RGPD4: variants seen among roughly 807,000 people sequenced by gnomAD.
RGPD4 encodes ranBP2-like and GRIP domain-containing protein 4.
RGPD4 carries 84 observed loss-of-function variants against 141.1 expected under a neutral mutation model. That is an observed-to-expected ratio of 0.60 (90% confidence interval 0.50 to 0.71). The LOEUF (loss-of-function observed/expected upper bound fraction) is 0.71. RGPD4 is among the 30% of genes least tolerant of loss of function. The pLI is 0.00. For synonymous variants in RGPD4, 298 were observed against 566.8 expected, an observed-to-expected ratio of 0.53 and a Z score of 6.74; for missense variants, 918 against 1,622.4, an observed-to-expected ratio of 0.57 and a Z score of 7.46.
intron 1 of RGPD4, among the ~76,000 whole-genome samples, chr2:107,829,541 C>A (rs557275989): frequency 7.3e-6 from 1 of 137,020 alleles, no homozygotes; most frequent in Non-Finnish European, 1.5e-5. Context: ...GCGGCGGCCT[C>A]GACCTGGCCC....
chr2:107,884,004 T>A (rs1336111994), intron 22 of RGPD4, among the ~76,000 whole-genome samples: 2 of 152,068 alleles, frequency 1.3e-5, no homozygotes, highest in Non-Finnish European at 2.9e-5. Context: ...CACCTATACC[T>A]AGTTTATGTT....
At chr2:107,873,447 C>T (rs1301453973) in intron 20 of RGPD4, among the ~76,000 whole-genome samples, 3 of 143,976 alleles carry the variant, frequency 2.1e-5, no homozygotes, top group Admixed American at 1.4e-4. Flanking sequence ...GTGGTGCGTG[C>T]CTATAATTAG....
At chr2:107,834,008 AAAC>A (rs1267671277) in intron 1 of RGPD4, among the ~76,000 whole-genome samples, 1 of 76,288 alleles carries the variant, frequency 1.3e-5, no homozygotes, top group African/African-American at 5.8e-5. Context: ...TCCATCTCAA[AAAC>A]AAAAAAAGGA....
chr2:107,889,034 G>C (rs968637923), intron 22 of RGPD4, among the ~76,000 whole-genome samples: 5 of 144,728 alleles, frequency 3.5e-5, no homozygotes, highest in Admixed American at 1.4e-4. Context: ...AGACAGAACA[G>C]AAAAATAAAA....
chr2:107,875,631 A>G (rs1683067652), intron 20 of RGPD4, among the ~76,000 whole-genome samples: 1 of 144,778 alleles, frequency 6.9e-6, no homozygotes, highest in East Asian at 2.0e-4. Flanking sequence ...TGCGCTTTGC[A>G]TTAATGGTGG....
intron 22 of RGPD4, among the ~76,000 whole-genome samples, chr2:107,885,388 G>C (rs1193116863): frequency 2.0e-5 from 3 of 152,080 alleles, no homozygotes; most frequent in Admixed American, 6.6e-5. Flanking sequence ...TCAAAATACT[G>C]AGCATGTCTA....
intron 16 of RGPD4, 39 bp downstream of exon 16, chr2:107,862,900 G>T: frequency 6.2e-7 from 1 of 1,604,958 alleles, no homozygotes; most frequent in Non-Finnish European, 8.5e-7. Flanking sequence ...TTGTGAAATT[G>T]TTTCTAAGTG....
intron 21 of RGPD4, 79 bp from the exon 22 acceptor site, chr2:107,882,593 G>C: frequency 1.1e-5 from 15 of 1,325,044 alleles, no homozygotes; most frequent in Non-Finnish European, 1.6e-5. Flanking sequence ...GGGAAGAGAA[G>C]AAAAATACAT....
In RGPD4 at chr2:107,885,462, A is replaced by G. The variant is rs544631686; in HGVS notation, c.5266+2589A>G. On this transcript the variant is annotated intron_variant, in intron 22 of 22. Coordinates refer to ENST00000408999, the MANE Select transcript of RGPD4 (RefSeq NM_182588.3). ...TGTTGCTAATGTCCAGGTGGCTCCT[A>G]TAAGTTAAGGGTCCATTGATTTAGA... 2.0e-4 allele frequency among the ~76,000 whole-genome samples: 30 copies of G among 152,306 alleles called. No individual in the cohort carries two copies. In the South Asian group the frequency reaches 5.2e-3, roughly 26 times the overall value.
At chr2:107,831,305 A>C (rs2104396988) in intron 1 of RGPD4, among the ~76,000 whole-genome samples, 1 of 149,130 alleles carries the variant, frequency 6.7e-6, no homozygotes, top group African/African-American at 2.4e-5. Flanking sequence ...CCTACTTCTC[A>C]AAGTCTACTT....
chr2:107,872,068 A>T lies in RGPD4; in HGVS notation c.4064A>T (p.Lys1355Ile). 1 of 1,611,616 alleles carries T rather than the reference A, an allele frequency of 6.2e-7. No individual in the cohort carries two copies. The highest frequency in any genetic ancestry group is 8.5e-7 in the Non-Finnish European group (1 of 1,179,858). ...GTATCCAGTGGTGAGGAAAATGAAA[A>T]AGTTGTTTTTAGTCACAGGGCAGAA... ...VEVSSGEENEKVVFSHRAELY... is the reference protein window; with the variant it reads ...VEVSSGEENEIVVFSHRAELY... The change falls in exon 20 of 23, where the codon AAA becomes ATA. Residue 1355 changes from lysine (K) to isoleucine (I), a missense_variant. Transcript: ENST00000408999.
intron 22 of RGPD4, among the ~76,000 whole-genome samples, chr2:107,887,124 C>T (rs989737173): frequency 6.6e-6 from 1 of 150,724 alleles, no homozygotes; most frequent in Non-Finnish European, 1.5e-5. Context: ...TGCCCATAGT[C>T]CTAGCTACTC....
Position 107,827,093 on chromosome 2 carries a change from G to T in RGPD4, c.72+8G>T. On this transcript the variant is annotated splice_region_variant and intron_variant, in intron 1 of 22. Coordinates refer to ENST00000408999, the MANE Select transcript of RGPD4 (RefSeq NM_182588.3). ...GCCCCGTCGCCTCGAAAGGTGAGTGGATCTCGAAGAGACCGACGGCCTCGA... is the reference window on the plus strand; with the variant it reads ...GCCCCGTCGCCTCGAAAGGTGAGTGTATCTCGAAGAGACCGACGGCCTCGA... 6.3e-7 allele frequency: 1 copy of T among 1,587,658 alleles called. No homozygotes were observed.
At chr2:107,886,832 G>A (rs1675527009) in intron 22 of RGPD4, among the ~76,000 whole-genome samples, 1 of 152,082 alleles carries the variant, frequency 6.6e-6, no homozygotes, top group African/African-American at 2.4e-5. Flanking sequence ...GGAAGCAAAT[G>A]TTTATAATCT....
rs1372347062 is a variant in RGPD4, at chr2:107,866,995, G to A, written c.2605+670G>A. Among the ~76,000 whole-genome samples, 3 of 149,268 alleles carry A rather than the reference G, an allele frequency of 2.0e-5. No homozygotes were observed. The East Asian group carries it at 5.9e-4, about 29-fold the overall frequency. ...TACTGTGGGTTGGCTATGTGCAAAA[G>A]TGCTTTGTGAATGTAATTTTATTTA... On this transcript the variant is annotated intron_variant, in intron 18 of 22. Coordinates refer to ENST00000408999, the MANE Select transcript of RGPD4 (RefSeq NM_182588.3).
intron 20 of RGPD4, among the ~76,000 whole-genome samples, chr2:107,877,804 A>C (rs1683131792): frequency 6.6e-6 from 1 of 151,738 alleles, no homozygotes; most frequent in African/African-American, 2.4e-5. Context: ...TTTGATGACT[A>C]AGGTTTTTTT....
rs1682960625 is a variant in RGPD4, at chr2:107,872,439, T to G, written c.4435T>G (p.Ser1479Ala). ...AGATTCTTTGATAACACCTCATGTTTCTCGGTCAAGCACTCCCAGAGAGTC... is the reference window on the plus strand; with the variant it reads ...AGATTCTTTGATAACACCTCATGTTGCTCGGTCAAGCACTCCCAGAGAGTC... ...EKDSLITPHV[S>A]RSSTPRESPC... The change falls in exon 20 of 23, where the codon TCT (serine) becomes GCT (alanine). Residue 1479 changes from serine (S) to alanine (A), a missense_variant. By Grantham distance (99) the Ser-to-Ala change is moderately conservative (BLOSUM62 1). Transcript: ENST00000408999. 6.4e-7 allele frequency: 1 copy of G among 1,566,734 alleles called. No individual in the cohort carries two copies. Among genetic ancestry groups the G allele is most frequent in the South Asian group, 1.1e-5 (1 of 87,988 alleles).
chr2:107,872,575 G>C lies in RGPD4; in HGVS notation c.4571G>C (p.Ser1524Thr). Residue 1524 changes from serine (S) to threonine (T), a missense_variant, in exon 20 of 23, where the codon AGC becomes ACC. Physicochemically the swap from Ser to Thr is moderately conservative, Grantham distance 58. Coordinates refer to ENST00000408999, the MANE Select transcript of RGPD4 (RefSeq NM_182588.3). ...GCAGCTTCAGAAGTTGAAGTGTCTA[G>C]CACATCTGAAACAACAACAAAAGCA... ...ADAASEVEVS[S>T]TSETTTKAVV... 6.3e-7 allele frequency: 1 copy of C among 1,586,424 alleles called. No individual in the cohort carries two copies. Among genetic ancestry groups the C allele is most frequent in the Non-Finnish European group, 8.6e-7 (1 of 1,167,256 alleles).
At chr2:107,868,889 G>A (rs1440574883) in intron 18 of RGPD4, among the ~76,000 whole-genome samples, 1 of 30,986 alleles carries the variant, frequency 3.2e-5, no homozygotes, top group Non-Finnish European at 6.5e-5. Context: ...TTCAGACTAA[G>A]ATTTTTTTTT....
Sources: gnomAD v4.1 joint callset for allele counts (sites outside exome capture counted in the v4.1 genomes callset) on GRCh38, gnomAD v4.1.1 for gene constraint, MANE v1.5 for transcripts, NCBI Gene and HGNC (gene_info 2026-07-23, HGNC 2026-07-21) for gene names.